The following MAP7 variants were observed in gnomAD, a reference collection of about 807,000 sequenced individuals.
MAP7 encodes microtubule associated protein 7, also known as ensconsin.
A neutral mutation model predicts 94.8 loss-of-function variants in MAP7; 52 were observed. That is an observed-to-expected ratio of 0.55 (90% confidence interval 0.44 to 0.69). The LOEUF (loss-of-function observed/expected upper bound fraction) is 0.69. Ranked by LOEUF, MAP7 falls within the 30% of genes least tolerant of loss-of-function variation. MAP7 has a pLI of 0.00. For synonymous variants in MAP7, 350 were observed against 357.0 expected (o/e 0.98, Z 0.22); for missense variants, 940 against 964.6 (o/e 0.97, Z 0.34).
At chr6:136,423,054 C>T (rs1362521107) in intron 1 of MAP7, among the ~76,000 whole-genome samples, 6 of 152,152 alleles carry the variant, frequency 3.9e-5, no homozygotes, top group African/African-American at 1.2e-4. Flanking sequence ...GAAAGATTAA[C>T]TGAGAAGACA....
intron 1 of MAP7, among the ~76,000 whole-genome samples, chr6:136,517,267 G>C (rs1464367905): frequency 1.3e-5 from 2 of 152,164 alleles, no homozygotes; most frequent in Non-Finnish European, 2.9e-5. Flanking sequence ...GCCTATGGTA[G>C]GAAAGTGACT....
At chr6:136,454,564 C>T (rs551138442) in intron 1 of MAP7, among the ~76,000 whole-genome samples, 2 of 151,950 alleles carry the variant, frequency 1.3e-5, no homozygotes, top group South Asian at 4.2e-4. Flanking sequence ...TCCCAAAGTG[C>T]TGGGATTTCA....
chr6:136,443,197 T>C (rs931005811), intron 1 of MAP7, among the ~76,000 whole-genome samples: 4 of 152,172 alleles, frequency 2.6e-5, no homozygotes, highest in Admixed American at 2.6e-4. Context: ...AACTGTAATA[T>C]GATAAGAAAA....
intron 1 of MAP7, among the ~76,000 whole-genome samples, chr6:136,423,715 ATC>A (rs1028489767): frequency 4.1e-5 from 6 of 148,052 alleles, no homozygotes; most frequent in Non-Finnish European, 7.4e-5. Flanking sequence ...TATTAAGTAA[ATC>A]TGAGCCTTAA....
chr6:136,485,601 C>G (rs1037309895), intron 1 of MAP7, among the ~76,000 whole-genome samples: 1 of 121,252 alleles, frequency 8.2e-6, no homozygotes, highest in Non-Finnish European at 1.6e-5. Flanking sequence ...CTCGCTCTGT[C>G]GCCCAGGCTG....
intron 1 of MAP7, among the ~76,000 whole-genome samples, chr6:136,460,481 A>G (rs1263844625): frequency 6.6e-6 from 1 of 152,218 alleles, no homozygotes; most frequent in Non-Finnish European, 1.5e-5. Context: ...ATTGGAAAAC[A>G]AACATTTTTG....
chr6:136,370,007 G>A (rs1795207270), intron 8 of MAP7, among the ~76,000 whole-genome samples: 1 of 152,154 alleles, frequency 6.6e-6, no homozygotes, highest in Non-Finnish European at 1.5e-5. Context: ...TGGAATAGAA[G>A]AAAGTATCTG....
chr6:136,510,039 T>C (rs569015680), intron 1 of MAP7, among the ~76,000 whole-genome samples: 12 of 152,230 alleles, frequency 7.9e-5, no homozygotes, highest in African/African-American at 1.9e-4. Flanking sequence ...CTGTCTCTAC[T>C]AAGAATACAA....
intron 3 of MAP7, among the ~76,000 whole-genome samples, chr6:136,407,774 G>C (rs1786090072): frequency 6.6e-6 from 1 of 152,164 alleles, no homozygotes; most frequent in Non-Finnish European, 1.5e-5. Flanking sequence ...CCAAGGAAGG[G>C]AGAATGTTTT....
chr6:136,362,803 A>G, intron 10 of MAP7, 101 bp from the exon 11 acceptor site: 3 of 1,481,486 alleles, frequency 2.0e-6, no homozygotes, highest in Admixed American at 2.3e-5. Flanking sequence ...ATTTACCATT[A>G]TGAAAGAAAA....
chr6:136,454,643 G>T (rs140027642), intron 1 of MAP7, among the ~76,000 whole-genome samples: 1 of 151,432 alleles, frequency 6.6e-6, no homozygotes, highest in Non-Finnish European at 1.5e-5. Flanking sequence ...AGTGGCTCAC[G>T]CCTGAAATCC....
intron 3 of MAP7, among the ~76,000 whole-genome samples, chr6:136,404,673 C>T (rs1327711467): frequency 6.6e-6 from 1 of 152,090 alleles, no homozygotes; most frequent in Non-Finnish European, 1.5e-5. Flanking sequence ...ATTTTGGTTT[C>T]AGAAAAAGAC....
chr6:136,358,022 G>T (rs1206403113), intron 15 of MAP7, among the ~76,000 whole-genome samples: 1 of 152,196 alleles, frequency 6.6e-6, no homozygotes, highest in Non-Finnish European at 1.5e-5. Flanking sequence ...GGTAACACCA[G>T]TCAGCCCGCA....
chr6:136,401,841 G>A (rs1057247025), intron 3 of MAP7, among the ~76,000 whole-genome samples: 19 of 150,552 alleles, frequency 1.3e-4, no homozygotes, highest in South Asian at 1.0e-3. Context: ...CAGAATGATC[G>A]CTTGAATCTG....
At chr6:136,534,495 AG>A (rs1828724770) in intron 1 of MAP7, among the ~76,000 whole-genome samples, 1 of 152,278 alleles carries the variant, frequency 6.6e-6, no homozygotes, top group Non-Finnish European at 1.5e-5. Flanking sequence ...TTAACCTATC[AG>A]TCAGTGACCT....
At chr6:136,414,487 A>G (rs1281753666) in intron 2 of MAP7, among the ~76,000 whole-genome samples, 1 of 152,014 alleles carries the variant, frequency 6.6e-6, no homozygotes, top group East Asian at 1.9e-4. Flanking sequence ...AGTTCTTGCT[A>G]TCATTTGTTT....
At chr6:136,528,745 T>C (rs73551914) in intron 1 of MAP7, among the ~76,000 whole-genome samples, 120 of 152,310 alleles carry the variant, frequency 7.9e-4, no homozygotes, top group African/African-American at 2.8e-3. Context: ...GTCAAGATGC[T>C]CTCATCCTGC....
intron 1 of MAP7, among the ~76,000 whole-genome samples, chr6:136,482,428 G>A (rs570942967): frequency 5.9e-4 from 90 of 151,764 alleles, no homozygotes; most frequent in Non-Finnish European, 9.3e-4. Context: ...GTGAAACCCC[G>A]TCTCTACTAA....
intron 1 of MAP7, among the ~76,000 whole-genome samples, chr6:136,449,895 T>C (rs1389774770): frequency 1.3e-5 from 2 of 152,136 alleles, no homozygotes; most frequent in Admixed American, 6.5e-5. Context: ...TTAAACTCCA[T>C]TTGGAGGCCA....
Sources: allele counts gnomAD v4.1 joint callset (sites outside exome capture counted in the v4.1 genomes callset), GRCh38; gene constraint gnomAD v4.1.1; transcripts MANE v1.5; gene names NCBI Gene and HGNC (gene_info 2026-07-23, HGNC 2026-07-21).